VMP1: variants seen among roughly 807,000 people sequenced by gnomAD.
VMP1 encodes the protein ectopic P-granules autophagy protein 3 homolog.
A neutral mutation model predicts 56.0 loss-of-function variants in VMP1; 11 were observed. That is an observed-to-expected ratio of 0.20 (90% CI 0.12 to 0.32). The LOEUF (loss-of-function observed/expected upper bound fraction) is 0.32, where lower values mean the gene tolerates loss of function less well. Ranked by LOEUF, VMP1 falls within the 10% of genes least tolerant of loss-of-function variation. VMP1 has a pLI of 1.00. For missense variants in VMP1, 296 were observed against 490.3 expected (o/e 0.60, Z 3.74); for synonymous variants, 149 against 165.0 (o/e 0.90, Z 0.74).
chr17:59,758,782 C>A (rs1228674392), intron 5 of VMP1, among the ~76,000 whole-genome samples: 3 of 151,958 alleles, frequency 2.0e-5, no homozygotes, highest in South Asian at 2.1e-4. Context: ...ACAGGGAGAC[C>A]TGTCTACAAA....
chr17:59,815,635 C>CTT, intron 9 of VMP1, among the ~76,000 whole-genome samples: 1 of 152,104 alleles, frequency 6.6e-6, no homozygotes, highest in Non-Finnish European at 1.5e-5. Context: ...AGGTGGATCA[C>CTT]AAGGTCAGGA....
chr17:59,800,118 A>G lies in VMP1; in HGVS notation c.715-8678A>G, dbSNP rs190749117. On this transcript the variant is annotated intron_variant, in intron 7 of 11. Transcript: ENST00000262291. Reference sequence around the variant, plus strand: ...TAAAATAACTCAAAGAGCCCTGATAATGGGTAGAAAATAGTTATTAAGGCA... The same window carrying G: ...TAAAATAACTCAAAGAGCCCTGATAGTGGGTAGAAAATAGTTATTAAGGCA... Among the ~76,000 whole-genome samples, 252 of 152,268 alleles carry G rather than the reference A, an allele frequency of 1.7e-3. 7 individuals are homozygous for G. In the South Asian group the frequency reaches 0.048, roughly 29 times the overall value.
At chr17:59,726,135 G>T (rs2034592095) in intron 1 of VMP1, among the ~76,000 whole-genome samples, 1 of 151,946 alleles carries the variant, frequency 6.6e-6, no homozygotes, top group Non-Finnish European at 1.5e-5. Flanking sequence ...GAGATGAATG[G>T]CTGGCTTTAA....
At chr17:59,711,283 T>C (rs1038115824) in intron 1 of VMP1, among the ~76,000 whole-genome samples, 2 of 151,892 alleles carry the variant, frequency 1.3e-5, no homozygotes, top group Non-Finnish European at 2.9e-5. Flanking sequence ...TGGGTACTCT[T>C]TTTTTTTGGT....
At chr17:59,746,401 G>A (rs572470747) in intron 5 of VMP1, among the ~76,000 whole-genome samples, 213 of 152,188 alleles carry the variant, frequency 1.4e-3, no homozygotes, top group African/African-American at 4.9e-3. Flanking sequence ...TGAACTCCTG[G>A]CCTCAGGTGA....
chr17:59,833,868 C>T (rs532558469), intron 10 of VMP1: 2 of 152,264 alleles, frequency 1.3e-5, no homozygotes, highest in South Asian at 4.1e-4. Flanking sequence ...CTCTTTGTAA[C>T]ATTTGGGTCT....
At chr17:59,752,355 G>T (rs767431588) in intron 5 of VMP1, among the ~76,000 whole-genome samples, 1 of 152,156 alleles carries the variant, frequency 6.6e-6, no homozygotes, top group African/African-American at 2.4e-5. Context: ...GTAGTACACC[G>T]GAAGAGACAT....
chr17:59,814,420 A>G (rs756521324), intron 9 of VMP1, among the ~76,000 whole-genome samples: 5 of 152,256 alleles, frequency 3.3e-5, no homozygotes, highest in Non-Finnish European at 7.3e-5. Context: ...GTTGCTTAAG[A>G]GAGTAAGTAA....
chr17:59,801,080 G>A (rs958320067), intron 7 of VMP1, among the ~76,000 whole-genome samples: 18 of 66,170 alleles, frequency 2.7e-4, no homozygotes, highest in Admixed American at 1.0e-3. Flanking sequence ...ACTCCATCTC[G>A]AAAAAAAAAA....
intron 5 of VMP1, among the ~76,000 whole-genome samples, chr17:59,750,959 G>T: frequency 8.3e-6 from 1 of 120,160 alleles, no homozygotes; most frequent in Non-Finnish European, 1.6e-5. Flanking sequence ...TGGAGACAGA[G>T]TCTAGCTCTG....
At chr17:59,725,050 G>A (rs1248289100) in intron 1 of VMP1, among the ~76,000 whole-genome samples, 1 of 151,944 alleles carries the variant, frequency 6.6e-6, no homozygotes, top group Non-Finnish European at 1.5e-5. Context: ...CCAGCTACTT[G>A]GGAGGCTGAG....
intron 6 of VMP1, among the ~76,000 whole-genome samples, chr17:59,765,547 T>G (rs2036201849): frequency 6.6e-6 from 1 of 152,212 alleles, no homozygotes; most frequent in Non-Finnish European, 1.5e-5. Context: ...AATAGTAGAT[T>G]AACACATATT....
intron 10 of VMP1, among the ~76,000 whole-genome samples, chr17:59,831,500 T>A (rs2038803431): frequency 6.6e-6 from 1 of 152,142 alleles, no homozygotes; most frequent in East Asian, 1.9e-4. Flanking sequence ...ACATAAGTGA[T>A]TTCCAGAAGC....
At chr17:59,832,267 A>G (rs894925948) in intron 10 of VMP1, among the ~76,000 whole-genome samples, 7 of 147,164 alleles carry the variant, frequency 4.8e-5, no homozygotes, top group African/African-American at 1.5e-4. Flanking sequence ...GGTTCAAGCA[A>G]TTCTCATGCC....
intron 6 of VMP1, among the ~76,000 whole-genome samples, chr17:59,766,641 G>A (rs538218285): frequency 6.6e-6 from 1 of 152,232 alleles, no homozygotes; most frequent in South Asian, 2.1e-4. Context: ...CTGTATGATC[G>A]TATATGGCAA....
At chr17:59,838,627 G>A in intron 11 of VMP1, 1 of 512,926 alleles carries the variant, frequency 1.9e-6, no homozygotes, top group African/African-American at 1.9e-5. Flanking sequence ...CCAATGGAAA[G>A]TAATGGTTCT....
chr17:59,728,042 A>G (rs2034675684), intron 1 of VMP1, among the ~76,000 whole-genome samples: 1 of 152,210 alleles, frequency 6.6e-6, no homozygotes, highest in Admixed American at 6.5e-5. Flanking sequence ...TGATGTGTTT[A>G]TTTGCTTATT....
chr17:59,792,561 G>A (rs2037270434), intron 7 of VMP1, among the ~76,000 whole-genome samples: 1 of 151,526 alleles, frequency 6.6e-6, no homozygotes, highest in Non-Finnish European at 1.5e-5. Flanking sequence ...ATTTCAGTTT[G>A]ATCTAAATAA....
At chr17:59,801,110 A>ATGTG (rs1189271484) in intron 7 of VMP1, among the ~76,000 whole-genome samples, 2 of 109,726 alleles carry the variant, frequency 1.8e-5, no homozygotes, top group African/African-American at 9.0e-5. Context: ...ATATATATAT[A>ATGTG]TATGTGTGTG....
Sources: gnomAD v4.1 joint callset for allele counts (sites outside exome capture counted in the v4.1 genomes callset) on GRCh38, gnomAD v4.1.1 for gene constraint, MANE v1.5 for transcripts, NCBI Gene and HGNC (gene_info 2026-07-23, HGNC 2026-07-21) for gene names.